MYO16: variants seen among roughly 807,000 people sequenced by gnomAD.
The protein encoded by MYO16 is myosin XVI.
Under a neutral mutation model 205.3 loss-of-function variants are expected in MYO16, and 94 were observed. The observed-to-expected ratio is 0.46, with a 90% CI of 0.39 to 0.54. The LOEUF (loss-of-function observed/expected upper bound fraction) is 0.54, where lower values mean the gene tolerates loss of function less well. Among genes scored for constraint, MYO16 ranks in the 20% least tolerant of loss-of-function variants. The pLI is 0.00. For missense variants in MYO16, 2,315 were observed against 2,387.5 expected (o/e 0.97, Z 0.63); for synonymous variants, 988 against 954.0 (o/e 1.04, Z -0.66).
intron 31 of MYO16, among the ~76,000 whole-genome samples, chr13:109,135,555 A>G (rs74119841): frequency 0.03 from 4,349 of 146,856 alleles, 196 homozygotes; most frequent in African/African-American, 0.1. Context: ...GTGGCTATTC[A>G]CAGGTATGAG....
At chr13:109,153,529 C>A (rs763072969) in intron 32 of MYO16, among the ~76,000 whole-genome samples, 6 of 152,128 alleles carry the variant, frequency 3.9e-5, no homozygotes, top group African/African-American at 1.4e-4. Context: ...GAAGCCAAGA[C>A]CGTCCGATCA....
intron 10 of MYO16, among the ~76,000 whole-genome samples, chr13:108,844,836 A>T (rs1877432210): frequency 6.6e-6 from 1 of 152,312 alleles, no homozygotes; most frequent in South Asian, 2.1e-4. Flanking sequence ...CAATGACCCA[A>T]ATATTTATGA....
chr13:108,498,660 G>T, the MYO16 span, among the ~76,000 whole-genome samples: 2 of 152,146 alleles, frequency 1.3e-5, no homozygotes, highest in African/African-American at 4.8e-5. Flanking sequence ...TAACCAGGTG[G>T]ACTTTAAAAA....
chr13:108,599,794 A>G (rs554687366), intron 1 of MYO16, among the ~76,000 whole-genome samples: 3 of 152,348 alleles, frequency 2.0e-5, no homozygotes, highest in South Asian at 2.1e-4. Flanking sequence ...CAAAACTCAC[A>G]TGCTTTCCCA....
intron 27 of MYO16, among the ~76,000 whole-genome samples, chr13:109,071,956 C>T (rs1430640050): frequency 6.6e-6 from 1 of 152,196 alleles, no homozygotes; most frequent in Non-Finnish European, 1.5e-5. Context: ...TGAAAAACTT[C>T]AGCACTGAAT....
intron 3 of MYO16, among the ~76,000 whole-genome samples, chr13:108,724,388 A>G (rs1037858300): frequency 6.6e-6 from 1 of 152,178 alleles, no homozygotes; most frequent in Admixed American, 6.5e-5. Context: ...TCCTGGTTTC[A>G]GTGGAAGGGG....
intron 12 of MYO16, among the ~76,000 whole-genome samples, chr13:108,869,731 T>TAAAAAAAAAAAA (rs68025820): frequency 2.4e-4 from 16 of 67,020 alleles, no homozygotes; most frequent in African/African-American, 9.7e-4. Context: ...ACTCCGTTTC[T>TAAAAAAAAAAAA]AAAAAAAAAA....
intron 2 of MYO16, among the ~76,000 whole-genome samples, chr13:108,696,393 TACACAGCCAAAAGAGGAAGACAAACC>T (rs1283946044): frequency 2.6e-5 from 4 of 152,182 alleles, no homozygotes; most frequent in Non-Finnish European, 4.4e-5. Context: ...AATGGAATCC[TACACAGCCAAAAGAGGAAGACAAACC>T]ATTGCTACAC....
intron 16 of MYO16, among the ~76,000 whole-genome samples, chr13:108,918,561 A>G (rs1881603154): frequency 6.6e-6 from 1 of 152,240 alleles, no homozygotes; most frequent in African/African-American, 2.4e-5. Context: ...ATCTCTCAGC[A>G]GAGAGGGAGG....
At chr13:108,755,625 C>G (rs1167248783) in intron 4 of MYO16, among the ~76,000 whole-genome samples, 1 of 150,364 alleles carries the variant, frequency 6.7e-6, no homozygotes, top group Admixed American at 6.6e-5. Flanking sequence ...ATTGGTGTTT[C>G]GTTCAAATGT....
chr13:108,647,722 C>G (rs973618828), intron 1 of MYO16, among the ~76,000 whole-genome samples: 10 of 152,144 alleles, frequency 6.6e-5, no homozygotes, highest in Non-Finnish European at 1.2e-4. Flanking sequence ...TTGTCCATTC[C>G]TCTTTTTTAG....
At chr13:108,668,720 C>T (rs533787088) in intron 2 of MYO16, among the ~76,000 whole-genome samples, 1 of 152,278 alleles carries the variant, frequency 6.6e-6, no homozygotes, top group East Asian at 1.9e-4. Flanking sequence ...TTCTGCCTCC[C>T]TCTTGCACCT....
chr13:108,832,888 T>A (rs1876703924), intron 9 of MYO16, among the ~76,000 whole-genome samples: 1 of 152,156 alleles, frequency 6.6e-6, no homozygotes, highest in Admixed American at 6.5e-5. Flanking sequence ...TTACAAAATA[T>A]TGATAAACCT....
chr13:109,100,370 G>A (rs1447663215), intron 27 of MYO16, among the ~76,000 whole-genome samples: 4 of 152,056 alleles, frequency 2.6e-5, no homozygotes, highest in African/African-American at 7.3e-5. Context: ...CCATTATTAT[G>A]GACTCTAGTT....
At chr13:108,739,630 C>T (rs990499160) in intron 4 of MYO16, among the ~76,000 whole-genome samples, 4 of 152,076 alleles carry the variant, frequency 2.6e-5, no homozygotes, top group Non-Finnish European at 4.4e-5. Context: ...TTGCTCTTCT[C>T]GAGGAGTATC....
At position 109,141,686 on chromosome 13, in the gene MYO16, T is replaced by C; in HGVS notation, c.5164+310T>C. On this transcript the variant is annotated intron_variant, in intron 32 of 34. Transcript: ENST00000457511. The surrounding 1 kb of genome is among the most constrained non-coding windows in gnomAD (Gnocchi z 4.1). ...CAGAGCAAGGTTAAATGTTAGCTAC[T>C]AATTTCTTTTTTTAAAAAAATATTT... 6.6e-6 allele frequency among the ~76,000 whole-genome samples: 1 copy of C among 152,246 alleles called. No individual in the cohort carries two copies. The highest frequency in any genetic ancestry group is 1.9e-4 in the East Asian group (1 of 5,204).
intron 1 of MYO16, among the ~76,000 whole-genome samples, chr13:108,621,162 C>T (rs771351906): frequency 5.3e-5 from 8 of 152,270 alleles, no homozygotes; most frequent in Admixed American, 1.3e-4. Context: ...CTTCGGGTGC[C>T]TGCTCCATAA....
At position 109,026,412 on chromosome 13, in the gene MYO16, G is replaced by C. The variant is rs933163247; in HGVS notation, c.2796+6501G>C. Among the ~76,000 whole-genome samples the C allele has an allele frequency of 1.1e-4, 16 of 152,154 alleles. No individual in the cohort carries two copies. In the East Asian group the frequency reaches 1.7e-3, roughly 17 times the overall value. ...GCAGCCAGGAGCCAAGGAACACCTG[G>C]AACTCCCAGAAGTTGGAAGAGGCAG... On this transcript the variant is annotated intron_variant, in intron 23 of 34. Transcript: ENST00000457511.
intron 3 of MYO16, among the ~76,000 whole-genome samples, chr13:108,725,878 C>G (rs1359954696): frequency 1.3e-5 from 2 of 152,188 alleles, no homozygotes; most frequent in Admixed American, 1.3e-4. Context: ...CTTGGGAACT[C>G]TCTCAAGGTA....
Sources: allele counts gnomAD v4.1 joint callset (sites outside exome capture counted in the v4.1 genomes callset), GRCh38; gene constraint gnomAD v4.1.1; non-coding constraint Gnocchi (gnomAD v3.1); transcripts MANE v1.5; gene names NCBI Gene and HGNC (gene_info 2026-07-23, HGNC 2026-07-21).